Variants in SRRT observed in about 807,000 individuals in gnomAD.
SRRT encodes serrate RNA effector molecule homolog.
In SRRT, 32 loss-of-function variants were observed where a neutral mutation model predicts 103.2. That is an observed-to-expected ratio of 0.31 (90% CI 0.23 to 0.42). SRRT has a LOEUF of 0.42. Among genes scored for constraint, SRRT ranks in the 10% least tolerant of loss-of-function variants. The pLI, the probability that SRRT is intolerant of heterozygous loss-of-function variation, is 1.00. For missense variants in SRRT, 986 were observed against 1,207.5 expected, an observed-to-expected ratio of 0.82 and a Z score of 2.72; for synonymous variants, 525 against 449.0, an observed-to-expected ratio of 1.17 and a Z score of -2.14.
chr7:100,883,468 C>G (rs151110645), intron 5 of SRRT, among the ~76,000 whole-genome samples: 5 of 152,232 alleles, frequency 3.3e-5, no homozygotes, highest in Non-Finnish European at 7.3e-5. Context: ...TCTCTCTCCC[C>G]CTGTGGGCAG....
In SRRT at chr7:100,884,056, CG is replaced by C; in HGVS notation, c.588-13del. 4 of 1,566,742 alleles carry C rather than the reference CG, an allele frequency of 2.6e-6. No homozygotes were observed. The highest frequency in any genetic ancestry group is 3.4e-6 in the Non-Finnish European group (4 of 1,161,102). On this transcript the variant is annotated splice_polypyrimidine_tract_variant and intron_variant, in intron 5 of 19. Coordinates refer to ENST00000611405, the MANE Select transcript of SRRT (RefSeq NM_015908.6). ...ATAACTGTTTTGTCTTTCCCTCCCC[CG>C]CTTCGTTCCCAGGTTTCGGTCTAAG...
At chr7:100,884,616 C>T (rs1428405540) in intron 7 of SRRT, 64 bp downstream of exon 7, 2 of 1,514,430 alleles carry the variant, frequency 1.3e-6, no homozygotes, top group Admixed American at 3.8e-5. Context: ...GGGTAGGGGT[C>T]CATAGGAGCT....
rs749843426 is a variant in SRRT at position 100,881,362 on chromosome 7, C to T, written c.200C>T (p.Ser67Leu). 5 of 1,613,126 alleles carry T rather than the reference C, an allele frequency of 3.1e-6. No homozygotes were observed. The highest frequency in any genetic ancestry group is 1.1e-5 in the South Asian group (1 of 91,042). The change falls in exon 3 of 20, where the codon TCG (serine) becomes TTG (leucine). Residue 67 changes from serine (S) to leucine (L), a missense_variant. Physicochemically the swap from Ser to Leu is moderately radical, Grantham distance 145. Transcript: ENST00000611405. ...GACCGGAATCGGCGAGAGCGCTTCT[C>T]GCCACCTCGCCACGAACTCAGCCCG... ...DYDRNRRERFSPPRHELSPPQ... is the reference protein window; with the variant it reads ...DYDRNRRERFLPPRHELSPPQ...
At position 100,886,702 on chromosome 7, in the gene SRRT, CT is replaced by C. The variant is rs1256916478; in HGVS notation, c.1648-92del. On this transcript the variant is annotated intron_variant, in intron 13 of 19. Transcript: ENST00000611405. ...GGTGCCATTTATGTCCGGTGAACTC[CT>C]GTCCCCTCGCTGCTCTTTCACTTGT... 1.3e-5 allele frequency: 18 copies of C among 1,420,550 alleles called. No individual in the cohort carries two copies. In the East Asian group the frequency reaches 2.8e-4, roughly 22 times the overall value. The allele number at this position is 1,420,550 out of a possible 1,614,324, so 88.0% of individuals were successfully genotyped here.
rs776091306 is a variant in SRRT at position 100,888,152 on chromosome 7, A to G, written c.2428+9A>G. 36 of 1,608,796 alleles carry G rather than the reference A, an allele frequency of 2.2e-5. No homozygotes were observed. The highest frequency in any genetic ancestry group is 2.9e-5 in the Non-Finnish European group (34 of 1,177,322). On this transcript the variant is annotated intron_variant, in intron 18 of 19. Coordinates refer to ENST00000611405, the MANE Select transcript of SRRT (RefSeq NM_015908.6). ...GATCTTGGGCTATGGAGGTAAGTAC[A>G]GGAGGGAGATGAAGGGGCTTGGTGA... is the stretch of plus-strand genomic sequence containing the variant.
At position 100,885,053 on chromosome 7, in the gene SRRT, T is replaced by C. The variant is rs2115854689; in HGVS notation, c.1159+13T>C. 2 of 1,613,712 alleles carry C rather than the reference T, an allele frequency of 1.2e-6. No individual in the cohort carries two copies. The highest frequency in any genetic ancestry group is 8.5e-7 in the Non-Finnish European group (1 of 1,179,998). Reference sequence around the variant, plus strand: ...AAGGAGGAGGCCGGTAGGGTTTCTTTTCTGCTTTAAAGTGCGTTCTCCTAA... The same window carrying C: ...AAGGAGGAGGCCGGTAGGGTTTCTTCTCTGCTTTAAAGTGCGTTCTCCTAA... On this transcript the variant is annotated intron_variant, in intron 9 of 19. Transcript: ENST00000611405. The surrounding 1 kb of genome is among the most constrained non-coding windows in gnomAD (Gnocchi z 4.8).
At chr7:100,884,656 G>C (rs1433062870) in intron 7 of SRRT, 84 bp from the exon 8 acceptor site, 1 of 1,519,024 alleles carries the variant, frequency 6.6e-7, no homozygotes, top group Non-Finnish European at 9.0e-7. Context: ...AAATGAACCT[G>C]TGGCCTCAGC....
intron 12 of SRRT, 82 bp downstream of exon 12, chr7:100,886,023 G>T (rs1790060264): frequency 6.6e-7 from 1 of 1,514,606 alleles, no homozygotes; most frequent in Non-Finnish European, 9.1e-7. Context: ...TTGTTCATCT[G>T]ATAGTTTGGT....
At chr7:100,881,201 T>A in intron 2 of SRRT, 84 bp from the exon 3 acceptor site, 1 of 1,487,586 alleles carries the variant, frequency 6.7e-7, no homozygotes, top group Non-Finnish European at 9.1e-7. Context: ...AAGTGTTCTC[T>A]GCCTCGGCCT....
At position 100,882,038 on chromosome 7, in the gene SRRT, C is replaced by T. The variant is rs755043571; in HGVS notation, c.399-15C>T. ...TCCCCAAAAACCAAGCCTTCCTGAC[C>T]GGGGTCCCCTCCAGGCTGGGCAGCA... On this transcript the variant is annotated splice_polypyrimidine_tract_variant and intron_variant, in intron 4 of 19. Transcript: ENST00000611405. The surrounding 1 kb of genome is among the most constrained non-coding windows in gnomAD (Gnocchi z 4.2). The T allele has an allele frequency of 1.2e-5, 19 of 1,606,194 alleles. No individual in the cohort carries two copies. The highest frequency in any genetic ancestry group is 3.3e-5 in the South Asian group (3 of 90,470).
chr7:100,882,325 A>C lies in SRRT; in HGVS notation c.587+84A>C, dbSNP rs1007610716. On this transcript the variant is annotated intron_variant, in intron 5 of 19. Transcript: ENST00000611405. This position sits in a 1 kb window ranked among gnomAD's most constrained non-coding sequence, Gnocchi z 4.2. ...GGAGCCACAGCCCTGTCCTCTTCCC[A>C]GTTTTCCCTGTCCAGAACTTTCTGG... The C allele has an allele frequency of 9.5e-6, 14 of 1,477,722 alleles. No homozygotes were observed. In the African/African-American group the frequency reaches 2.0e-4, roughly 21 times the overall value. The allele number at this position is 1,477,722 out of a possible 1,614,324, so 91.5% of individuals were successfully genotyped here.
Position 100,887,426 on chromosome 7 carries a change from G to A in SRRT, c.2082G>A (p.Glu694=), listed in dbSNP as rs912585530. Residue 694 remains glutamate (E), a synonymous_variant, in exon 16 of 20, where the codon GAG becomes GAA. Coordinates refer to ENST00000611405, the MANE Select transcript of SRRT (RefSeq NM_015908.6). This position sits in a 1 kb window ranked among gnomAD's most constrained non-coding sequence, Gnocchi z 4.1. ...AGAAGATGGGGCGCAAAGACCCAGA[G>A]CAGGAAGTGGAGAAGTTCGTCACCT... The part of the protein sequence containing the change: ...EAQKMGRKDP[E]QEVEKFVTSN... The A allele has an allele frequency of 6.2e-7, 1 of 1,614,216 alleles. No homozygotes were observed.
intron 2 of SRRT, among the ~76,000 whole-genome samples, chr7:100,880,034 G>T (rs1033964990): frequency 6.6e-6 from 1 of 152,248 alleles, no homozygotes; most frequent in African/African-American, 2.4e-5. Context: ...GGAGACAGAA[G>T]CGAGAGACCA....
chr7:100,886,671 GC>G (rs1178509300), intron 13 of SRRT, 123 bp from the exon 14 acceptor site: 4 of 1,161,588 alleles, frequency 3.4e-6, no homozygotes, highest in Non-Finnish European at 3.8e-6. Flanking sequence ...TCTCAAGGGG[GC>G]AAAAGGTGCC....
chr7:100,886,733 A>G (rs2115886479), intron 13 of SRRT, 62 bp from the exon 14 acceptor site: 1 of 1,572,968 alleles, frequency 6.4e-7, no homozygotes, highest in Non-Finnish European at 8.7e-7. Flanking sequence ...ACTTGTGGAA[A>G]GTCTCAGGTT....
chr7:100,880,715 C>A, intron 2 of SRRT: 1 of 436,908 alleles, frequency 2.3e-6, no homozygotes, highest in Non-Finnish European at 4.6e-6. Flanking sequence ...CTCCCTCTGT[C>A]ACCCGGGCTG....
At chr7:100,877,828 G>A (rs1164362348) in intron 2 of SRRT, among the ~76,000 whole-genome samples, 1 of 152,096 alleles carries the variant, frequency 6.6e-6, no homozygotes, top group Non-Finnish European at 1.5e-5. Flanking sequence ...GCAAGAGTAC[G>A]CATGTGATTG....
At chr7:100,876,213 G>A (rs977925096) in intron 2 of SRRT, among the ~76,000 whole-genome samples, 7 of 152,276 alleles carry the variant, frequency 4.6e-5, no homozygotes, top group African/African-American at 9.6e-5. Flanking sequence ...GTGCAATGGC[G>A]CAATCTTGGC....
Position 100,885,582 on chromosome 7 carries a change from C to A in SRRT, c.1318-119C>A. 1 of 1,227,774 alleles carries A rather than the reference C, an allele frequency of 8.1e-7. No homozygotes were observed. The highest frequency in any genetic ancestry group is 1.2e-6 in the Non-Finnish European group (1 of 861,696). The allele number at this position is 1,227,774 out of a possible 1,614,324, so 76.1% of individuals were successfully genotyped here. ...AGCCCTTTAGTGGTTTTTCCCTGCCCAAGGATGGGAAGAGTGATAAGGCAG... is the reference window on the plus strand; with the variant it reads ...AGCCCTTTAGTGGTTTTTCCCTGCCAAAGGATGGGAAGAGTGATAAGGCAG... On this transcript the variant is annotated intron_variant, in intron 10 of 19. Transcript: ENST00000611405. This position sits in a 1 kb window ranked among gnomAD's most constrained non-coding sequence, Gnocchi z 4.8.
Sources: gnomAD v4.1 joint callset for allele counts (sites outside exome capture counted in the v4.1 genomes callset) on GRCh38, gnomAD v4.1.1 for gene constraint, Gnocchi (gnomAD v3.1) non-coding constraint, MANE v1.5 for transcripts, NCBI Gene and HGNC (gene_info 2026-07-23, HGNC 2026-07-21) for gene names.